The following SGMS1 variants were observed in gnomAD, a reference collection of about 807,000 sequenced individuals.
The protein encoded by SGMS1 is sphingomyelin synthase 1.
SGMS1 carries 13 observed loss-of-function variants against 46.2 expected under a neutral mutation model. The observed-to-expected ratio is 0.28, with a 90% confidence interval of 0.18 to 0.45. SGMS1 has a LOEUF of 0.45. Ranked by LOEUF, SGMS1 falls within the 20% of genes least tolerant of loss-of-function variation. The pLI is 1.00. For synonymous variants in SGMS1, 203 were observed against 187.8 expected (o/e 1.08, Z -0.66); for missense variants, 324 against 519.9 (o/e 0.62, Z 3.66).
chr10:50,519,555 C>A (rs1005198380), intron 3 of SGMS1, among the ~76,000 whole-genome samples: 6 of 152,216 alleles, frequency 3.9e-5, no homozygotes, highest in African/African-American at 1.4e-4. Flanking sequence ...GACACTCTTT[C>A]CTGTGGCCTT....
Position 50,585,304 on chromosome 10 carries a change from C to T in SGMS1, c.-589+4849G>A, listed in dbSNP as rs552861196. 1.7e-4 allele frequency among the ~76,000 whole-genome samples: 26 copies of T among 152,320 alleles called. No individual in the cohort carries two copies. The South Asian group carries it at 3.1e-3, about 18-fold the overall frequency. ...CTTTAGTAAGCACTTCAAAACTCAT[C>T]CCTTCTCCAGACATGGCTACCTTCA... is the stretch of plus-strand genomic sequence containing the variant. On this transcript the variant is annotated intron_variant, in intron 2 of 10. Coordinates refer to ENST00000361781, the MANE Select transcript of SGMS1 (RefSeq NM_147156.4).
intron 6 of SGMS1, among the ~76,000 whole-genome samples, chr10:50,375,786 C>T (rs1848514430): frequency 6.6e-6 from 1 of 152,140 alleles, no homozygotes; most frequent in African/African-American, 2.4e-5. Flanking sequence ...GACCTCAAAA[C>T]AGCAAAGCAT....
intron 3 of SGMS1, among the ~76,000 whole-genome samples, chr10:50,500,619 C>T (rs932889407): frequency 2.0e-5 from 3 of 152,156 alleles, no homozygotes; most frequent in African/African-American, 7.2e-5. Context: ...TTACAAGGCA[C>T]TTTAAATTGA....
intron 3 of SGMS1, among the ~76,000 whole-genome samples, chr10:50,475,341 A>G (rs765182592): frequency 6.6e-6 from 1 of 152,222 alleles, no homozygotes; most frequent in Non-Finnish European, 1.5e-5. Flanking sequence ...CCTTTAATTC[A>G]TCTCAGTTAA....
In SGMS1 at chr10:50,350,576, G is replaced by A. The variant is rs545903201; in HGVS notation, c.-231-6231C>T. On this transcript the variant is annotated intron_variant, in intron 6 of 10. Transcript: ENST00000361781. ...TTCATGGGCCGGGTCCAGGGTCCCCGTGCTGTGTGCAGACTAGGGACTTGG... is the reference window on the plus strand; with the variant it reads ...TTCATGGGCCGGGTCCAGGGTCCCCATGCTGTGTGCAGACTAGGGACTTGG... Among the ~76,000 whole-genome samples, 14 of 152,250 alleles carry A rather than the reference G, an allele frequency of 9.2e-5. No homozygotes were observed. The East Asian group carries it at 1.9e-3, about 21-fold the overall frequency.
intron 2 of SGMS1, among the ~76,000 whole-genome samples, chr10:50,589,664 G>T (rs1439872352): frequency 6.6e-6 from 1 of 150,570 alleles, no homozygotes; most frequent in African/African-American, 2.4e-5. Context: ...CTAGAGATGG[G>T]TCTCACCTTG....
chr10:50,355,885 G>C (rs1182655888), intron 6 of SGMS1, among the ~76,000 whole-genome samples: 1 of 151,262 alleles, frequency 6.6e-6, no homozygotes. Flanking sequence ...GCCCAGCCGC[G>C]ACCCCGTCTG....
chr10:50,610,159 C>T (rs550167815), intron 1 of SGMS1, among the ~76,000 whole-genome samples: 76 of 152,286 alleles, frequency 5.0e-4, no homozygotes, highest in Admixed American at 1.8e-3. Context: ...CCATCCCACC[C>T]GTAAGACACA....
intron 5 of SGMS1, among the ~76,000 whole-genome samples, chr10:50,455,021 C>G (rs1837174063): frequency 6.6e-6 from 1 of 152,150 alleles, no homozygotes; most frequent in Admixed American, 6.5e-5. Context: ...CCTGCCCAAC[C>G]CCTTTTGGAC....
intron 3 of SGMS1, among the ~76,000 whole-genome samples, chr10:50,500,558 A>G (rs1837653761): frequency 6.6e-6 from 1 of 152,192 alleles, no homozygotes; most frequent in Admixed American, 6.5e-5. Context: ...AAGCACTTAC[A>G]TTGACACCTT....
intron 1 of SGMS1, among the ~76,000 whole-genome samples, chr10:50,592,081 G>A (rs1230271091): frequency 6.6e-6 from 1 of 152,110 alleles, no homozygotes; most frequent in African/African-American, 2.4e-5. Context: ...TGCTCACAAG[G>A]ATGTTGGGAT....
At chr10:50,328,899 A>G (rs1267037771) in intron 7 of SGMS1, among the ~76,000 whole-genome samples, 2 of 152,234 alleles carry the variant, frequency 1.3e-5, no homozygotes, top group East Asian at 3.8e-4. Context: ...AAGAAATACC[A>G]AAGTAAATTC....
chr10:50,526,977 A>ATCGCTTGAACC (rs1416692671), intron 2 of SGMS1, among the ~76,000 whole-genome samples: 1 of 149,374 alleles, frequency 6.7e-6, no homozygotes, highest in Non-Finnish European at 1.5e-5. Context: ...AGGCAGGAGA[A>ATCGCTTGAACC]TCGCTTGAAC....
At chr10:50,394,695 C>T (rs1848820721) in intron 6 of SGMS1, among the ~76,000 whole-genome samples, 1 of 152,192 alleles carries the variant, frequency 6.6e-6, no homozygotes, top group Admixed American at 6.5e-5. Context: ...TGTTTTAATT[C>T]ATCTAACTTA....
At chr10:50,533,408 G>C (rs1357927721) in intron 2 of SGMS1, among the ~76,000 whole-genome samples, 1 of 151,902 alleles carries the variant, frequency 6.6e-6, no homozygotes, top group Admixed American at 6.6e-5. Context: ...CTTTGTTCTG[G>C]TTTTCAGCAC....
chr10:50,488,828 C>G (rs1378815112), intron 3 of SGMS1, among the ~76,000 whole-genome samples: 3 of 152,086 alleles, frequency 2.0e-5, no homozygotes, highest in African/African-American at 7.2e-5. Flanking sequence ...GAGGTTTTTC[C>G]AACACCTGCC....
Position 50,623,879 on chromosome 10 carries a change from TGCCCGCCGCCTGCC to T in SGMS1, c.-870_-857del, listed in dbSNP as rs978937310. On this transcript the variant is annotated 5_prime_UTR_variant, in exon 1 of 11. Coordinates refer to ENST00000361781, the MANE Select transcript of SGMS1 (RefSeq NM_147156.4). ...AGGCCGGTCCTTCTCACTCCCGACC[TGCCCGCCGCCTGCC>T]GCCCGCAGCCGCTGCCCCGCTGGTG... The T allele has an allele frequency of 2.0e-6, 2 of 986,480 alleles. No individual in the cohort carries two copies. Among genetic ancestry groups the T allele is most frequent in the Non-Finnish European group, 1.2e-6 (1 of 831,156 alleles). 61.1% of individuals were successfully genotyped at this position (986,480 alleles called of 1,614,324 possible). A position where few individuals can be genotyped will look rare whatever the true frequency, so the allele number is the denominator to read the frequency against.
chr10:50,394,696 A>T (rs1327408142), intron 6 of SGMS1, among the ~76,000 whole-genome samples: 2 of 152,260 alleles, frequency 1.3e-5, no homozygotes, highest in African/African-American at 4.8e-5. Context: ...GTTTTAATTC[A>T]TCTAACTTAA....
chr10:50,573,148 T>G (rs1325163668), intron 2 of SGMS1, among the ~76,000 whole-genome samples: 2 of 152,162 alleles, frequency 1.3e-5, no homozygotes, highest in Non-Finnish European at 2.9e-5. Flanking sequence ...GGAGAAAAAC[T>G]GAAAGCTTTT....
Sources: allele counts gnomAD v4.1 joint callset (sites outside exome capture counted in the v4.1 genomes callset), GRCh38; gene constraint gnomAD v4.1.1; transcripts MANE v1.5; gene names NCBI Gene and HGNC (gene_info 2026-07-23, HGNC 2026-07-21).